Variants in TMEM132B observed in about 807,000 individuals in gnomAD.
The protein encoded by TMEM132B is transmembrane protein 132B.
In TMEM132B, 18 loss-of-function variants were observed where a neutral mutation model predicts 90.8. The observed-to-expected ratio is 0.20, with a 90% confidence interval of 0.14 to 0.29. The LOEUF is 0.29. Ranked by LOEUF, TMEM132B falls within the 10% of genes least tolerant of loss-of-function variation. The probability of loss-of-function intolerance (pLI) is 1.00; values close to 1 mark genes in which losing one functional copy is unlikely to be tolerated. For synonymous variants in TMEM132B, 504 were observed against 523.3 expected (o/e 0.96, Z 0.50); for missense variants, 1,096 against 1,326.8 (o/e 0.83, Z 2.70).
intron 1 of TMEM132B, among the ~76,000 whole-genome samples, chr12:125,230,673 T>TC (rs1873798877): frequency 6.7e-6 from 1 of 150,216 alleles, no homozygotes; most frequent in Non-Finnish European, 1.5e-5. Flanking sequence ...TGTGTGTATT[T>TC]TTTTTTTTTT....
intron 1 of TMEM132B, among the ~76,000 whole-genome samples, chr12:125,273,036 A>G (rs989174245): frequency 7.2e-5 from 11 of 152,210 alleles, no homozygotes; most frequent in South Asian, 2.1e-4. Context: ...TCTGTTTTTT[A>G]TACTAACTTG....
intron 3 of TMEM132B, among the ~76,000 whole-genome samples, chr12:125,422,826 G>A (rs1306126923): frequency 2.0e-5 from 3 of 152,188 alleles, no homozygotes; most frequent in African/African-American, 7.2e-5. Flanking sequence ...CCCTCGGCAG[G>A]AGCACGTTTC....
At chr12:125,303,747 A>AT (rs1875889704) in intron 1 of TMEM132B, among the ~76,000 whole-genome samples, 1 of 152,132 alleles carries the variant, frequency 6.6e-6, no homozygotes, top group South Asian at 2.1e-4. Context: ...GACGTTGAGA[A>AT]TTTTTTATGT....
chr12:125,301,034 T>G (rs1055316598), intron 1 of TMEM132B: 2 of 152,134 alleles, frequency 1.3e-5, no homozygotes. Context: ...TATGTATATA[T>G]ATATATGTAT....
At chr12:125,224,477 G>A (rs1873630807) in intron 1 of TMEM132B, among the ~76,000 whole-genome samples, 2 of 152,238 alleles carry the variant, frequency 1.3e-5, no homozygotes, top group South Asian at 4.1e-4. Flanking sequence ...GAGACAGAGA[G>A]CTCTCCTTGA....
chr12:125,629,767 C>G (rs1449207729), intron 5 of TMEM132B, among the ~76,000 whole-genome samples: 1 of 152,094 alleles, frequency 6.6e-6, no homozygotes, highest in African/African-American at 2.4e-5. Context: ...ATAATACTAA[C>G]TGTGGGTCTG....
Position 125,571,608 on chromosome 12 carries a change from T to G in TMEM132B, c.1294-12243T>G, listed in dbSNP as rs139096447. Among the ~76,000 whole-genome samples, 972 of 152,370 alleles carry G rather than the reference T, an allele frequency of 6.4e-3. 11 individuals carry two copies. Among genetic ancestry groups the G allele is most frequent in the African/African-American group, 0.022 (922 of 41,584 alleles). On this transcript the variant is annotated intron_variant, in intron 4 of 8. Coordinates refer to ENST00000682704, the MANE Select transcript of TMEM132B (RefSeq NM_001366854.1). The stretch of plus-strand genomic sequence containing the variant: ...ATGCATTTATTTATTGATTCATCTC[T>G]GTTGCCTGTTCTCTTGGTTATATCT...
At chr12:125,418,966 G>A (rs1287217604) in intron 3 of TMEM132B, among the ~76,000 whole-genome samples, 1 of 152,182 alleles carries the variant, frequency 6.6e-6, no homozygotes, top group East Asian at 1.9e-4. Context: ...TGGACTATTT[G>A]CATGGAAGCC....
rs896694490 is a variant in TMEM132B, at chr12:125,445,514, G to T, written c.1106+29837G>T. Reference sequence around the variant, plus strand: ...CAGCAGAGGACACTGGAGGAACATGGTAGGAGGAGGGATCTGCATCTGGAG... The same window carrying T: ...CAGCAGAGGACACTGGAGGAACATGTTAGGAGGAGGGATCTGCATCTGGAG... On this transcript the variant is annotated intron_variant, in intron 3 of 8. Transcript: ENST00000682704. This position sits in a 1 kb window ranked among gnomAD's most constrained non-coding sequence, Gnocchi z 4.3. Among the ~76,000 whole-genome samples, 1 of 152,232 alleles carries T rather than the reference G, an allele frequency of 6.6e-6. No individual in the cohort carries two copies. Among genetic ancestry groups the T allele is most frequent in the Non-Finnish European group, 1.5e-5 (1 of 68,040 alleles).
intron 5 of TMEM132B, among the ~76,000 whole-genome samples, chr12:125,630,804 T>A (rs1243836740): frequency 6.6e-6 from 1 of 152,122 alleles, no homozygotes; most frequent in East Asian, 1.9e-4. Context: ...TAAGTTCTCA[T>A]CATTTAGCTG....
chr12:125,191,416 T>C (rs1872785484), intron 1 of TMEM132B, among the ~76,000 whole-genome samples: 1 of 152,132 alleles, frequency 6.6e-6, no homozygotes, highest in East Asian at 1.9e-4. Flanking sequence ...GCTAAGTAAC[T>C]TGGCTGAGGT....
intron 1 of TMEM132B, among the ~76,000 whole-genome samples, chr12:125,276,237 G>A (rs1410843786): frequency 1.3e-5 from 2 of 152,202 alleles, no homozygotes; most frequent in Admixed American, 1.3e-4. Context: ...TTAGAACTGT[G>A]ACTGCCCTGG....
At chr12:125,314,538 G>A (rs1876210129) in intron 1 of TMEM132B, among the ~76,000 whole-genome samples, 1 of 152,150 alleles carries the variant, frequency 6.6e-6, no homozygotes, top group Non-Finnish European at 1.5e-5. Context: ...TCCTGCACCC[G>A]GGCTCAGAGG....
At chr12:125,208,428 C>T (rs1425077052) in intron 1 of TMEM132B, among the ~76,000 whole-genome samples, 1 of 152,210 alleles carries the variant, frequency 6.6e-6, no homozygotes, top group Non-Finnish European at 1.5e-5. Flanking sequence ...AAACCCTGTA[C>T]CTTGCAGGTA....
chr12:125,509,724 T>A (rs746310327), intron 3 of TMEM132B, among the ~76,000 whole-genome samples: 8 of 152,180 alleles, frequency 5.3e-5, no homozygotes, highest in Non-Finnish European at 8.8e-5. Context: ...TATTCAAAAG[T>A]TAACATTATG....
At chr12:125,464,069 G>A (rs1881504562) in intron 3 of TMEM132B, among the ~76,000 whole-genome samples, 1 of 152,138 alleles carries the variant, frequency 6.6e-6, no homozygotes, top group Admixed American at 6.5e-5. Flanking sequence ...TCCCTCCCTT[G>A]ACCCATGGGA....
Position 125,658,683 on chromosome 12 carries a change from A to G in TMEM132B, c.*3973A>G, listed in dbSNP as rs1383390605. The G allele has an allele frequency of 6.6e-6, 1 of 152,250 alleles. No homozygotes were observed. The allele number at this position is 152,250 out of a possible 1,614,324, so 9.4% of individuals were successfully genotyped here. ...GATATTTTTGTATGTAATATAGGCA[A>G]TATAATGAAACACCGAGTTTTTTAA... On this transcript the variant is annotated 3_prime_UTR_variant, in exon 9 of 9. Transcript: ENST00000682704.
chr12:125,638,641 G>T (rs1012566395), intron 5 of TMEM132B, among the ~76,000 whole-genome samples: 1 of 152,020 alleles, frequency 6.6e-6, no homozygotes, highest in Non-Finnish European at 1.5e-5. Context: ...CATGTCTCGG[G>T]TTGGCAGAGG....
chr12:125,252,762 A>G (rs1874344565), intron 1 of TMEM132B, among the ~76,000 whole-genome samples: 1 of 152,078 alleles, frequency 6.6e-6, no homozygotes. Context: ...CTGAGGGTGG[A>G]TCTTCTGGCT....
Sources: allele counts gnomAD v4.1 joint callset (sites outside exome capture counted in the v4.1 genomes callset), GRCh38; gene constraint gnomAD v4.1.1; non-coding constraint Gnocchi (gnomAD v3.1); transcripts MANE v1.5; gene names NCBI Gene and HGNC (gene_info 2026-07-23, HGNC 2026-07-21).